The following AFF3 variants were observed in gnomAD, a reference collection of about 807,000 sequenced individuals.
AFF3 encodes the protein AF4/FMR2 family member 3.
Under a neutral mutation model 129.7 loss-of-function variants are expected in AFF3, and 32 were observed. The observed-to-expected ratio is 0.25, with a 90% CI of 0.19 to 0.33. The LOEUF (loss-of-function observed/expected upper bound fraction) is 0.33. Ranked by LOEUF, AFF3 falls within the 10% of genes least tolerant of loss-of-function variation. The pLI is 1.00. For missense variants in AFF3, 1,373 were observed against 1,592.0 expected (o/e 0.86, Z 2.34); for synonymous variants, 644 against 635.4 (o/e 1.01, Z -0.20).
intron 7 of AFF3, among the ~76,000 whole-genome samples, chr2:99,914,343 A>C (rs1353303931): frequency 1.3e-5 from 2 of 152,196 alleles, no homozygotes; most frequent in Non-Finnish European, 2.9e-5. Context: ...TTCTTCAAAA[A>C]TGTAAAGTTT....
intron 8 of AFF3, among the ~76,000 whole-genome samples, chr2:99,814,274 A>G (rs912188373): frequency 1.3e-5 from 2 of 151,470 alleles, no homozygotes; most frequent in Admixed American, 1.3e-4. Context: ...AGGACTTTAT[A>G]TTTGTTCTGG....
chr2:99,925,474 C>T (rs1020892413), intron 7 of AFF3, among the ~76,000 whole-genome samples: 1 of 152,144 alleles, frequency 6.6e-6, no homozygotes, highest in African/African-American at 2.4e-5. Flanking sequence ...TCAAGGACTA[C>T]ATATTAAAGT....
chr2:100,062,725 C>G (rs566536366), intron 4 of AFF3, among the ~76,000 whole-genome samples: 4 of 152,214 alleles, frequency 2.6e-5, no homozygotes, highest in African/African-American at 9.6e-5. Flanking sequence ...TTGACTTAGG[C>G]CCCAAGACTT....
At chr2:99,611,589 T>C (rs1680929350) in intron 13 of AFF3, among the ~76,000 whole-genome samples, 1 of 151,624 alleles carries the variant, frequency 6.6e-6, no homozygotes, top group East Asian at 1.9e-4. Context: ...TGGAATAGGG[T>C]GGTTATTGTC....
chr2:99,939,421 ATAAC>A (rs1389347279), intron 7 of AFF3, among the ~76,000 whole-genome samples: 1 of 152,260 alleles, frequency 6.6e-6, no homozygotes, highest in Non-Finnish European at 1.5e-5. Flanking sequence ...TCACATAAAC[ATAAC>A]TAAGTTCTCT....
chr2:99,657,201 CTAA>C (rs1685825821), intron 12 of AFF3, among the ~76,000 whole-genome samples: 1 of 152,198 alleles, frequency 6.6e-6, no homozygotes, highest in African/African-American at 2.4e-5. Flanking sequence ...CTTCTAATTC[CTAA>C]TGTTGAGTCC....
At chr2:99,939,639 T>C (rs1239714017) in intron 7 of AFF3, among the ~76,000 whole-genome samples, 1 of 152,220 alleles carries the variant, frequency 6.6e-6, no homozygotes, top group Non-Finnish European at 1.5e-5. Flanking sequence ...GGCTATGATA[T>C]ACTGAAATAG....
chr2:100,093,517 C>T (rs1389511760), intron 4 of AFF3, among the ~76,000 whole-genome samples: 3 of 152,234 alleles, frequency 2.0e-5, no homozygotes, highest in Admixed American at 2.0e-4. Context: ...TACTTCCTCT[C>T]AGACTCCAAA....
At chr2:99,675,142 A>T (rs1687496080) in intron 11 of AFF3, among the ~76,000 whole-genome samples, 1 of 152,114 alleles carries the variant, frequency 6.6e-6, no homozygotes, top group Non-Finnish European at 1.5e-5. Flanking sequence ...CACTGACTTT[A>T]CCTCTCTTAT....
intron 17 of AFF3, 27 bp downstream of exon 17, chr2:99,582,771 A>G (rs767019992): frequency 6.8e-6 from 11 of 1,612,266 alleles, no homozygotes; most frequent in Admixed American, 6.7e-5. Context: ...TTTGGTTTTA[A>G]TTGGGAAAGG....
chr2:99,691,638 G>C (rs868665), intron 11 of AFF3, among the ~76,000 whole-genome samples: 132,026 of 152,218 alleles, frequency 0.87, 57,479 homozygotes, highest in African/African-American at 0.94. Context: ...TTTTGGCACC[G>C]CAACCTTTTC....
At chr2:99,910,600 C>T (rs957596257) in intron 7 of AFF3, among the ~76,000 whole-genome samples, 3 of 152,182 alleles carry the variant, frequency 2.0e-5, no homozygotes, top group Non-Finnish European at 4.4e-5. Flanking sequence ...TGTCTTGGAC[C>T]AAAGTGTAAG....
At chr2:99,600,388 A>G (rs182505788) in intron 14 of AFF3, among the ~76,000 whole-genome samples, 5 of 152,294 alleles carry the variant, frequency 3.3e-5, no homozygotes, top group African/African-American at 1.2e-4. Context: ...AAGGAACTGA[A>G]GAGCCACTCT....
chr2:99,593,324 T>C lies in AFF3; in HGVS notation c.2337A>G (p.Pro779=). 1 of 1,614,076 alleles carries C rather than the reference T, an allele frequency of 6.2e-7. No individual in the cohort carries two copies. Among genetic ancestry groups the C allele is most frequent in the Non-Finnish European group, 8.5e-7 (1 of 1,179,994 alleles). Residue 779 remains proline, a synonymous_variant, in exon 15 of 25, where the codon CCA becomes CCG. Coordinates refer to ENST00000672756, the MANE Select transcript of AFF3 (RefSeq NM_001386135.1). The stretch of plus-strand genomic sequence containing the variant: ...CCCCTGGCTCCTGGGGCAGGTGTTC[T>C]GGGATCCTGGACAGGAGGGTCAGGT... The part of the protein sequence containing the change: ...KIDLTLLSRI[P]EHLPQEPGVL...
chr2:99,864,858 T>C (rs1479902376), intron 7 of AFF3, among the ~76,000 whole-genome samples: 4 of 152,160 alleles, frequency 2.6e-5, no homozygotes, highest in Admixed American at 1.3e-4. Flanking sequence ...TAGGCAGAGT[T>C]CAGCATCATG....
chr2:99,916,496 T>C (rs878900211), intron 7 of AFF3, among the ~76,000 whole-genome samples: 2 of 151,996 alleles, frequency 1.3e-5, no homozygotes, highest in Non-Finnish European at 2.9e-5. Flanking sequence ...TAATATACGG[T>C]GAAGAATTGA....
At chr2:99,574,704 T>A (rs1006387137) in intron 18 of AFF3, among the ~76,000 whole-genome samples, 4 of 152,248 alleles carry the variant, frequency 2.6e-5, no homozygotes, top group African/African-American at 4.8e-5. Context: ...GTTTACTTTT[T>A]TAAAAAAGCT....
chr2:99,565,523 G>A lies in AFF3; in HGVS notation c.3083C>T (p.Pro1028Leu), dbSNP rs866430558. ...TACTGTTTCTGAATACATCGTATAA[G>A]GAGATTTGGATTCCATGGGGCCTTG... ...MEQGPMESKS[P>L]YTMYSETVEL... The change falls in exon 20 of 25, where the codon CCT becomes CTT. Residue 1028 changes from proline (P) to leucine (L), a missense_variant. Pro to Leu is a moderately conservative substitution (Grantham distance 98, BLOSUM62 -3). This residue lies in a region of AFF3 where 65 missense variants were observed against 102.1 expected (regional missense o/e 0.64). Transcript: ENST00000672756. 6.2e-7 allele frequency: 1 copy of A among 1,614,198 alleles called. No individual in the cohort carries two copies. The highest frequency in any genetic ancestry group is 8.5e-7 in the Non-Finnish European group (1 of 1,180,030).
At chr2:99,775,232 T>C (rs1683802391) in intron 8 of AFF3, among the ~76,000 whole-genome samples, 3 of 152,222 alleles carry the variant, frequency 2.0e-5, no homozygotes, top group African/African-American at 7.2e-5. Flanking sequence ...ATCCCATTAC[T>C]GGGTATTACC....
Sources: allele counts gnomAD v4.1 joint callset (sites outside exome capture counted in the v4.1 genomes callset), GRCh38; gene constraint gnomAD v4.1.1; regional missense constraint gnomAD v4.1.1; transcripts MANE v1.5; gene names NCBI Gene and HGNC (gene_info 2026-07-23, HGNC 2026-07-21).